The following HNRNPD variants were observed in gnomAD, a reference collection of about 807,000 sequenced individuals.
HNRNPD encodes the protein heterogeneous nuclear ribonucleoprotein D.
In HNRNPD, 3 loss-of-function variants were observed where a neutral mutation model predicts 47.9. The ratio of observed to expected loss-of-function variants is 0.06; its 90% CI spans 0.03 to 0.16. The LOEUF (loss-of-function observed/expected upper bound fraction) is 0.16. HNRNPD is among the 10% of genes least tolerant of loss of function. HNRNPD has a pLI of 1.00. For synonymous variants in HNRNPD, 171 were observed against 165.1 expected (o/e 1.04, Z -0.28); for missense variants, 287 against 454.2 (o/e 0.63, Z 3.35).
chr4:82,368,257 T>C (rs1159674136), intron 2 of HNRNPD, among the ~76,000 whole-genome samples: 1 of 152,178 alleles, frequency 6.6e-6, no homozygotes, highest in Non-Finnish European at 1.5e-5. Context: ...ACTCAATATG[T>C]ATACTCAAAT....
At chr4:82,363,046 GTGTATA>G (rs1366841832) in intron 2 of HNRNPD, among the ~76,000 whole-genome samples, 2 of 149,860 alleles carry the variant, frequency 1.3e-5, no homozygotes, top group Non-Finnish European at 2.9e-5. Context: ...GTGTGTGTGT[GTGTATA>G]TATATATATA....
At chr4:82,368,195 A>G (rs1317867500) in intron 2 of HNRNPD, among the ~76,000 whole-genome samples, 2 of 152,214 alleles carry the variant, frequency 1.3e-5, no homozygotes, top group Non-Finnish European at 2.9e-5. Flanking sequence ...GGTATGTATT[A>G]TGACTTGAAG....
At chr4:82,372,150 A>C (rs1165222639) in intron 1 of HNRNPD, among the ~76,000 whole-genome samples, 1 of 152,048 alleles carries the variant, frequency 6.6e-6, no homozygotes, top group Non-Finnish European at 1.5e-5. Context: ...TTAAAAAAAA[A>C]TTCAGACACA....
chr4:82,358,656 T>C lies in HNRNPD; in HGVS notation c.621+3A>G. ...AAACTGGGTCAAAACATTTATAACA[T>C]ACCTCACCAAAACCACCAAAGTACT... On this transcript the variant is annotated splice_donor_region_variant and intron_variant, in intron 4 of 8. Coordinates refer to ENST00000313899, the MANE Select transcript of HNRNPD (RefSeq NM_031370.3). 6.2e-7 allele frequency: 1 copy of C among 1,604,866 alleles called. No homozygotes were observed. The highest frequency in any genetic ancestry group is 1.1e-5 in the South Asian group (1 of 89,366).
rs952219424 is a variant in HNRNPD, at chr4:82,355,248, T to C, written c.*30+56A>G. 16 of 929,786 alleles carry C rather than the reference T, an allele frequency of 1.7e-5. No individual in the cohort carries two copies. In the Admixed American group the frequency reaches 2.2e-4, roughly 13 times the overall value. 57.6% of individuals were successfully genotyped at this position (929,786 alleles called of 1,614,324 possible). A position where few individuals can be genotyped will look rare whatever the true frequency, so the allele number is the denominator to read the frequency against. On this transcript the variant is annotated intron_variant, in intron 8 of 8. Transcript: ENST00000313899. Reference sequence around the variant, plus strand: ...ATTAAGCATTGTTTTATGAACAATATAGATTATAAAAACTACTATTGTAAA... The same window carrying C: ...ATTAAGCATTGTTTTATGAACAATACAGATTATAAAAACTACTATTGTAAA...
chr4:82,363,048 G>GTATATATA (rs66520516), intron 2 of HNRNPD, among the ~76,000 whole-genome samples: 1 of 145,456 alleles, frequency 6.9e-6, no homozygotes. Context: ...GTGTGTGTGT[G>GTATATATA]TATATATATA....
intron 1 of HNRNPD, among the ~76,000 whole-genome samples, chr4:82,371,992 G>A (rs545196610): frequency 6.6e-6 from 1 of 152,124 alleles, no homozygotes; most frequent in African/African-American, 2.4e-5. Context: ...CCTAGGCTGG[G>A]CTTAATAAAC....
In HNRNPD at chr4:82,373,313, G is replaced by GT. The variant is rs1410114849; in HGVS notation, c.233+132_233+133insA. 1.2e-5 allele frequency: 15 copies of GT among 1,213,532 alleles called. No individual in the cohort carries two copies. The African/African-American group carries it at 2.3e-4, about 19-fold the overall frequency. 75.2% of individuals were successfully genotyped at this position (1,213,532 alleles called of 1,614,324 possible). A position where few individuals can be genotyped will look rare whatever the true frequency, so the allele number is the denominator to read the frequency against. On this transcript the variant is annotated intron_variant, in intron 1 of 8. Coordinates refer to ENST00000313899, the MANE Select transcript of HNRNPD (RefSeq NM_031370.3). ...CCGGGGAACCCAACATAGAAAAAGG[G>GT]AGACCAGTGCAAGGAGGCTGCATGG... is the stretch of plus-strand genomic sequence containing the variant.
At chr4:82,360,780 T>C (rs765940736) in intron 2 of HNRNPD, among the ~76,000 whole-genome samples, 13 of 152,172 alleles carry the variant, frequency 8.5e-5, no homozygotes, top group Non-Finnish European at 1.6e-4. Flanking sequence ...AGGCCCATTC[T>C]TGGAATAAAA....
intron 2 of HNRNPD, among the ~76,000 whole-genome samples, chr4:82,369,962 A>T (rs1267567074): frequency 6.6e-6 from 1 of 152,038 alleles, no homozygotes; most frequent in Non-Finnish European, 1.5e-5. Flanking sequence ...GACCAACATG[A>T]AGAAACCCTG....
In HNRNPD at chr4:82,353,625, C is replaced by T. The variant is rs1051196488; in HGVS notation, c.*560G>A. 5 of 152,692 alleles carry T rather than the reference C, an allele frequency of 3.3e-5. 1 individual carries two copies. The highest frequency in any genetic ancestry group is 3.3e-4 in the Admixed American group (5 of 15,290). The allele number at this position is 152,692 out of a possible 1,614,324, so 9.5% of individuals were successfully genotyped here. ...AAGGAAGTATTATTAAAACAACCAACAAACAAATTGACATTAAGTCATTCC... is the reference window on the plus strand; with the variant it reads ...AAGGAAGTATTATTAAAACAACCAATAAACAAATTGACATTAAGTCATTCC... On this transcript the variant is annotated 3_prime_UTR_variant, in exon 9 of 9. Transcript: ENST00000313899.
At chr4:82,365,244 G>A (rs986551950) in intron 2 of HNRNPD, among the ~76,000 whole-genome samples, 2 of 152,130 alleles carry the variant, frequency 1.3e-5, no homozygotes, top group Non-Finnish European at 2.9e-5. Flanking sequence ...TTTATAACAA[G>A]TTCTGACAGT....
rs1359567675 is a variant in HNRNPD at position 82,373,327 on chromosome 4, G to A, written c.233+119C>T. On this transcript the variant is annotated intron_variant, in intron 1 of 8. Coordinates refer to ENST00000313899, the MANE Select transcript of HNRNPD (RefSeq NM_031370.3). ...ATAGAAAAAGGGAGACCAGTGCAAGGAGGCTGCATGGGGGCCCGGAGAACG... is the reference window on the plus strand; with the variant it reads ...ATAGAAAAAGGGAGACCAGTGCAAGAAGGCTGCATGGGGGCCCGGAGAACG... The A allele has an allele frequency of 9.7e-6, 13 of 1,341,966 alleles. No homozygotes were observed. In the African/African-American group the frequency reaches 1.3e-4, roughly 14 times the overall value. 83.1% of individuals were successfully genotyped at this position (1,341,966 alleles called of 1,614,324 possible). A position where few individuals can be genotyped will look rare whatever the true frequency, so the allele number is the denominator to read the frequency against.
In HNRNPD at chr4:82,367,068, T is replaced by C. The variant is rs555449745; in HGVS notation, c.290+4460A>G. On this transcript the variant is annotated intron_variant, in intron 2 of 8. Coordinates refer to ENST00000313899, the MANE Select transcript of HNRNPD (RefSeq NM_031370.3). ...TTTTAAAGAAACAGGGGTCATATTA[T>C]GTTGCCTAGCTGGTCTAGAAATCCT... 5.9e-4 allele frequency among the ~76,000 whole-genome samples: 89 copies of C among 150,946 alleles called. 1 individual carries two copies. The South Asian group carries it at 0.018, about 30-fold the overall frequency.
chr4:82,373,940 C>T lies in HNRNPD; in HGVS notation c.-262G>A, dbSNP rs977840234. 29 of 790,762 alleles carry T rather than the reference C, an allele frequency of 3.7e-5. No homozygotes were observed. The highest frequency in any genetic ancestry group is 1.3e-4 in the African/African-American group (7 of 54,370). 49.0% of individuals were successfully genotyped at this position (790,762 alleles called of 1,614,324 possible). ...AATAAGCACCAGCGGCGGCCGCTCTCGCCTCCTCCTCGCTTTAATGGCGCC... is the reference window on the plus strand; with the variant it reads ...AATAAGCACCAGCGGCGGCCGCTCTTGCCTCCTCCTCGCTTTAATGGCGCC... On this transcript the variant is annotated 5_prime_UTR_variant, in exon 1 of 9. Transcript: ENST00000313899.
chr4:82,366,868 A>G (rs921744021), intron 2 of HNRNPD, among the ~76,000 whole-genome samples: 2 of 150,166 alleles, frequency 1.3e-5, no homozygotes, highest in African/African-American at 2.4e-5. Flanking sequence ...GCCTAAAAAT[A>G]AAACACTTTA....
rs550409721 is a variant in HNRNPD at position 82,353,664 on chromosome 4, G to C, written c.*521C>G. 6.5e-6 allele frequency: 1 copy of C among 152,718 alleles called. No homozygotes were observed. Among genetic ancestry groups the C allele is most frequent in the South Asian group, 2.1e-4 (1 of 4,820 alleles). The allele number at this position is 152,718 out of a possible 1,614,324, so 9.5% of individuals were successfully genotyped here. A position where few individuals can be genotyped will look rare whatever the true frequency, so the allele number is the denominator to read the frequency against. ...TTAAGTCATTCCCAATTTGGACAGGGAGGACACATTATGGCAAAAATTAGA... is the reference window on the plus strand; with the variant it reads ...TTAAGTCATTCCCAATTTGGACAGGCAGGACACATTATGGCAAAAATTAGA... On this transcript the variant is annotated 3_prime_UTR_variant, in exon 9 of 9. Transcript: ENST00000313899.
chr4:82,358,895 A>G (rs1353195407), intron 3 of HNRNPD, 75 bp from the exon 4 acceptor site: 22 of 1,061,460 alleles, frequency 2.1e-5, no homozygotes, highest in Non-Finnish European at 2.7e-5. Context: ...TTACTTAAAA[A>G]TAACTATAAA....
chr4:82,368,550 G>A (rs1719877398), intron 2 of HNRNPD, among the ~76,000 whole-genome samples: 1 of 152,250 alleles, frequency 6.6e-6, no homozygotes. Context: ...ACAGTGAGAA[G>A]TATTTAATAC....
Sources: gnomAD v4.1 joint callset for allele counts (sites outside exome capture counted in the v4.1 genomes callset) on GRCh38, gnomAD v4.1.1 for gene constraint, MANE v1.5 for transcripts, NCBI Gene and HGNC (gene_info 2026-07-23, HGNC 2026-07-21) for gene names.